The following ATRNL1 variants were observed in gnomAD, a reference collection of about 807,000 sequenced individuals.
ATRNL1 encodes attractin-like protein 1.
A neutral mutation model predicts 182.7 loss-of-function variants in ATRNL1; 95 were observed. The observed-to-expected ratio is 0.52, with a 90% CI of 0.44 to 0.62. The LOEUF (loss-of-function observed/expected upper bound fraction) is 0.62. Ranked by LOEUF, ATRNL1 falls within the 20% of genes least tolerant of loss-of-function variation. The pLI is 0.00. For synonymous variants in ATRNL1, 576 were observed against 568.3 expected, an observed-to-expected ratio of 1.01 and a Z score of -0.19; for missense variants, 1,471 against 1,679.5, an observed-to-expected ratio of 0.88 and a Z score of 2.17.
chr10:115,890,045 A>G (rs1952042166), intron 28 of ATRNL1, among the ~76,000 whole-genome samples: 2 of 152,176 alleles, frequency 1.3e-5, no homozygotes, highest in South Asian at 2.1e-4. Flanking sequence ...CCATTGATAT[A>G]TATACTCATA....
At chr10:115,711,198 C>G (rs1262893766) in intron 26 of ATRNL1, among the ~76,000 whole-genome samples, 1 of 151,938 alleles carries the variant, frequency 6.6e-6, no homozygotes, top group Non-Finnish European at 1.5e-5. Context: ...GTCCATAAAC[C>G]AAATTATTTT....
intron 27 of ATRNL1, among the ~76,000 whole-genome samples, chr10:115,796,924 A>G (rs547099274): frequency 6.6e-6 from 1 of 152,334 alleles, no homozygotes; most frequent in East Asian, 1.9e-4. Flanking sequence ...AAAATCATTG[A>G]TCAGAATTAT....
At position 115,094,020 on chromosome 10, in the gene ATRNL1, C is replaced by T. The variant is rs1554862474; in HGVS notation, c.270C>T (p.Cys90=). 6.4e-7 allele frequency: 1 copy of T among 1,555,872 alleles called. No individual in the cohort carries two copies. Among genetic ancestry groups the T allele is most frequent in the Non-Finnish European group, 8.7e-7 (1 of 1,151,382 alleles). Reference sequence around the variant, plus strand: ...ACCCGGGCTGGGTGGGGGACCAGTGCCAGCACTGCCAGGGCAGGTTCAAGT... The same window carrying T: ...ACCCGGGCTGGGTGGGGGACCAGTGTCAGCACTGCCAGGGCAGGTTCAAGT... ...LCDPGWVGDQ[C]QHCQGRFKLT... is the part of the protein sequence containing the mutation. Residue 90 remains cysteine, a synonymous_variant, in exon 1 of 29, where the codon TGC becomes TGT. Transcript: ENST00000355044.
At chr10:115,362,967 G>A (rs1405783542) in intron 19 of ATRNL1, among the ~76,000 whole-genome samples, 2 of 152,082 alleles carry the variant, frequency 1.3e-5, no homozygotes, top group Non-Finnish European at 2.9e-5. Context: ...TGTGAATAGT[G>A]CTGCAATAAA....
intron 20 of ATRNL1, among the ~76,000 whole-genome samples, chr10:115,424,026 A>G (rs1381639562): frequency 6.6e-6 from 1 of 152,196 alleles, no homozygotes; most frequent in Non-Finnish European, 1.5e-5. Context: ...TTTGCAAACT[A>G]TGCATCTGAT....
chr10:115,461,951 G>C lies in ATRNL1; in HGVS notation c.3333G>C (p.Leu1111Phe). ...PLRGTCYYSL[L>F]IDYQFTFSLL... ...TTTTCCTCCCTACAGACAGCCTTTT[G>C]ATTGATTATCAATTTACCTTCAGCT... is the stretch of plus-strand genomic sequence containing the variant. The change falls in exon 22 of 29, where the codon TTG becomes TTC. Residue 1111 changes from leucine (L) to phenylalanine (F), a missense_variant. Coordinates refer to ENST00000355044, the MANE Select transcript of ATRNL1 (RefSeq NM_207303.4). 1 of 1,608,972 alleles carries C rather than the reference G, an allele frequency of 6.2e-7. No individual in the cohort carries two copies. The highest frequency in any genetic ancestry group is 8.5e-7 in the Non-Finnish European group (1 of 1,177,676).
chr10:115,920,046 G>A (rs1347297256), intron 28 of ATRNL1, among the ~76,000 whole-genome samples: 8 of 152,108 alleles, frequency 5.3e-5, no homozygotes, highest in Non-Finnish European at 2.9e-5. Context: ...ATTTATAGTT[G>A]TTTTAAGAGT....
At chr10:115,350,343 AAAG>A (rs1304083224) in intron 19 of ATRNL1, among the ~76,000 whole-genome samples, 28,396 of 129,794 alleles carry the variant, frequency 0.22, 3,503 homozygotes, top group Non-Finnish European at 0.29. Flanking sequence ...TCAAAAAAAA[AAAG>A]AAAAAAAAAA....
intron 18 of ATRNL1, among the ~76,000 whole-genome samples, chr10:115,332,157 G>A (rs987575436): frequency 6.6e-6 from 1 of 152,096 alleles, no homozygotes; most frequent in Non-Finnish European, 1.5e-5. Flanking sequence ...GCCTATCTCC[G>A]GCTTCCTCTT....
intron 17 of ATRNL1, among the ~76,000 whole-genome samples, chr10:115,306,436 T>C (rs891594351): frequency 1.3e-5 from 2 of 152,264 alleles, no homozygotes; most frequent in South Asian, 4.1e-4. Flanking sequence ...GCTTTTAAGA[T>C]TTTTTTCTTT....
intron 25 of ATRNL1, among the ~76,000 whole-genome samples, chr10:115,529,615 C>A (rs945721777): frequency 6.6e-6 from 1 of 151,714 alleles, no homozygotes; most frequent in African/African-American, 2.4e-5. Flanking sequence ...AAGCATATTT[C>A]CCTAACCAAC....
intron 28 of ATRNL1, among the ~76,000 whole-genome samples, chr10:115,942,834 T>C (rs1184581091): frequency 1.3e-5 from 2 of 152,188 alleles, no homozygotes; most frequent in African/African-American, 4.8e-5. Context: ...ACATTTGGTT[T>C]TACTCAAGAG....
chr10:115,202,461 A>G (rs1489390723), intron 8 of ATRNL1, among the ~76,000 whole-genome samples: 2 of 152,148 alleles, frequency 1.3e-5, no homozygotes, highest in South Asian at 2.1e-4. Context: ...AATTTTGTCA[A>G]AGGCCTTTTC....
chr10:115,558,118 A>G (rs1853436489), intron 26 of ATRNL1, among the ~76,000 whole-genome samples: 1 of 152,136 alleles, frequency 6.6e-6, no homozygotes, highest in Non-Finnish European at 1.5e-5. Flanking sequence ...TGCATACGGA[A>G]AACAAAGAAA....
intron 27 of ATRNL1, among the ~76,000 whole-genome samples, chr10:115,728,865 T>C (rs1405167377): frequency 2.0e-5 from 3 of 152,182 alleles, no homozygotes; most frequent in Non-Finnish European, 4.4e-5. Context: ...AAATGAAAGT[T>C]ACAGCAAGTG....
At chr10:115,501,381 A>T (rs1849829180) in intron 24 of ATRNL1, among the ~76,000 whole-genome samples, 1 of 152,120 alleles carries the variant, frequency 6.6e-6, no homozygotes, top group Non-Finnish European at 1.5e-5. Flanking sequence ...TACTTACCAC[A>T]GGTTATGAAC....
chr10:115,500,466 G>A (rs1368201211), intron 24 of ATRNL1, among the ~76,000 whole-genome samples: 5 of 152,078 alleles, frequency 3.3e-5, no homozygotes, highest in Admixed American at 6.5e-5. Context: ...CCAGTTTCCC[G>A]TGTTTATTAA....
At chr10:115,375,023 T>A (rs1857597324) in intron 19 of ATRNL1, among the ~76,000 whole-genome samples, 1 of 151,796 alleles carries the variant, frequency 6.6e-6, no homozygotes, top group Non-Finnish European at 1.5e-5. Context: ...ATGTTGTTTT[T>A]TTTTTAATAG....
intron 15 of ATRNL1, among the ~76,000 whole-genome samples, chr10:115,291,432 A>G (rs1362881817): frequency 1.3e-5 from 2 of 152,158 alleles, no homozygotes; most frequent in Non-Finnish European, 2.9e-5. Flanking sequence ...GTTCAGTATG[A>G]TGTTAGCTGT....
Sources: allele counts gnomAD v4.1 joint callset (sites outside exome capture counted in the v4.1 genomes callset), GRCh38; gene constraint gnomAD v4.1.1; transcripts MANE v1.5; gene names NCBI Gene and HGNC (gene_info 2026-07-23, HGNC 2026-07-21).